FAM186B: variants seen among roughly 807,000 people sequenced by gnomAD.
FAM186B encodes protein FAM186B.
In FAM186B, 68 loss-of-function variants were observed where a neutral mutation model predicts 83.4. The observed-to-expected ratio is 0.81, with a 90% CI of 0.67 to 1.00. The LOEUF (loss-of-function observed/expected upper bound fraction) is 1.00. Ranked by LOEUF, FAM186B falls within the 50% of genes least tolerant of loss-of-function variation. The probability of loss-of-function intolerance (pLI) is 0.00; values close to 1 mark genes in which losing one functional copy is unlikely to be tolerated. For missense variants in FAM186B, 983 were observed against 1,099.2 expected (o/e 0.89, Z 1.49); for synonymous variants, 389 against 422.0 (o/e 0.92, Z 0.96).
chr12:49,588,704 T>G, intron 5 of FAM186B, 81 bp from the exon 6 acceptor site: 1 of 1,425,090 alleles, frequency 7.0e-7, no homozygotes, highest in South Asian at 1.4e-5. Context: ...GTCTGTTTGT[T>G]GGTGCCCCTG....
the FAM186B span, among the ~76,000 whole-genome samples, chr12:49,622,159 G>A: frequency 0.089 from 13,488 of 152,144 alleles, 714 homozygotes; most frequent in African/African-American, 0.14. Flanking sequence ...GGCAGCCCCC[G>A]GGGGAAGGTG....
the FAM186B span, among the ~76,000 whole-genome samples, chr12:49,619,966 C>A: frequency 2.0e-5 from 3 of 152,004 alleles, no homozygotes; most frequent in Non-Finnish European, 4.4e-5. Context: ...AGGCATGAGC[C>A]ACCGCGTCCA....
Position 49,601,124 on chromosome 12 carries a change from G to C in FAM186B, c.516C>G (p.Arg172=). 1 of 1,561,320 alleles carries C rather than the reference G, an allele frequency of 6.4e-7. No individual in the cohort carries two copies. ...TTCCCTGCCAGCCCTGCCAGAAGGT[G>C]CGTTTGGACACTGGGACAGGTAGAG... The part of the protein sequence containing the change: ...GQKKRSQVSK[R]TFWQGWQGRS... The change falls in exon 4 of 7, where the codon CGC becomes CGG. Residue 172 remains arginine, a synonymous_variant. Coordinates refer to ENST00000257894, the MANE Select transcript of FAM186B (RefSeq NM_032130.3).
At chr12:49,619,872 G>T in the FAM186B span, among the ~76,000 whole-genome samples, 1 of 151,636 alleles carries the variant, frequency 6.6e-6, no homozygotes, top group Admixed American at 6.6e-5. Context: ...TAGAGACGGG[G>T]TTTCACCATA....
intron 5 of FAM186B, among the ~76,000 whole-genome samples, chr12:49,594,414 G>A (rs1233435833): frequency 1.3e-5 from 2 of 152,094 alleles, no homozygotes; most frequent in African/African-American, 4.8e-5. Context: ...TGAAACCTCA[G>A]TACCAAACCC....
At chr12:49,606,802 TTCACCC>T (rs1464480767), upstream of FAM186B, among the ~76,000 whole-genome samples, 3 of 152,072 alleles carry the variant, frequency 2.0e-5, no homozygotes, top group African/African-American at 7.2e-5. Context: ...CATAGAACAC[TTCACCC>T]AACAACAGGA....
the FAM186B span, among the ~76,000 whole-genome samples, chr12:49,621,923 G>A: frequency 1.3e-5 from 2 of 152,260 alleles, no homozygotes; most frequent in Non-Finnish European, 2.9e-5. Context: ...CCAGAGAGGG[G>A]AAGACGATGG....
In FAM186B at chr12:49,600,373, G is replaced by A. The variant is rs770279353; in HGVS notation, c.1267C>T (p.Arg423Cys). The change falls in exon 4 of 7, where the codon CGC becomes TGC. Residue 423 changes from arginine to cysteine, a missense_variant. Physicochemically the swap from Arg to Cys is radical, Grantham distance 180. Transcript: ENST00000257894. This position sits in a 1 kb window ranked among gnomAD's most constrained non-coding sequence, Gnocchi z 4.3. Reference protein sequence around the residue: ...LEPVLLPLVDRRFPKKWERPV... With the variant: ...LEPVLLPLVDCRFPKKWERPV... ...CTTTCCCATTTCTTAGGAAACCTGC[G>A]ATCTACTAAGGGTAAAAGCACAGGC... The A allele has an allele frequency of 1.1e-5, 17 of 1,614,160 alleles. No individual in the cohort carries two copies. In the Admixed American group the frequency reaches 1.7e-4, roughly 16 times the overall value.
the FAM186B span, among the ~76,000 whole-genome samples, chr12:49,621,112 G>A: frequency 6.6e-6 from 1 of 152,236 alleles, no homozygotes; most frequent in Non-Finnish European, 1.5e-5. Flanking sequence ...GCCAGGCAAA[G>A]TGACTCACGC....
Position 49,588,584 on chromosome 12 carries a change from C to T in FAM186B, c.2404G>A (p.Val802Ile), listed in dbSNP as rs565488464. 1.4e-5 allele frequency: 22 copies of T among 1,606,214 alleles called. No individual in the cohort carries two copies. The South Asian group carries it at 1.9e-4, about 14-fold the overall frequency. ...CATTTCTTTGGCTTTGGCGAGGTGA[C>T]CTCAGGGATGTTCAGGTGAACGTTC... is the stretch of plus-strand genomic sequence containing the variant. ...EWNVHLNIPE[V>I]TSPKPKKCKL... The change falls in exon 6 of 7, where the codon GTC (valine) becomes ATC (isoleucine). Residue 802 changes from valine (V) to isoleucine (I), a missense_variant. Transcript: ENST00000257894.
the FAM186B span, among the ~76,000 whole-genome samples, chr12:49,613,869 C>T: frequency 6.6e-6 from 1 of 151,192 alleles, no homozygotes; most frequent in Admixed American, 6.6e-5. Flanking sequence ...TAAGAACTGG[C>T]CGGGCGCGGT....
intron 5 of FAM186B, 127 bp downstream of exon 5, chr12:49,598,628 C>T: frequency 1.2e-6 from 1 of 850,196 alleles, no homozygotes. Flanking sequence ...CTGCCTTCTC[C>T]TTTCCCTTCT....
intron 3 of FAM186B, among the ~76,000 whole-genome samples, chr12:49,601,404 C>T (rs1939891553): frequency 6.6e-6 from 1 of 152,184 alleles, no homozygotes; most frequent in Admixed American, 6.5e-5. Context: ...CAGCACAGCT[C>T]ACTGCAGCAT....
chr12:49,587,858 CTCAAA>C lies in FAM186B; in HGVS notation c.2535-111_2535-107del. The C allele has an allele frequency of 2.3e-6, 3 of 1,287,110 alleles. No homozygotes were observed. The South Asian group carries it at 4.4e-5, about 19-fold the overall frequency. The allele number at this position is 1,287,110 out of a possible 1,614,324, so 79.7% of individuals were successfully genotyped here. Reference sequence around the variant, plus strand: ...CAAGTGAGCTTTGTCTCCTTCCCTTCTCAAATCGAGTGTGTCACTGCCCTCCTCAT... The same window carrying C: ...CAAGTGAGCTTTGTCTCCTTCCCTTCTCGAGTGTGTCACTGCCCTCCTCAT... On this transcript the variant is annotated intron_variant, in intron 6 of 6. Transcript: ENST00000257894.
At chr12:49,593,239 G>A (rs1048938915) in intron 5 of FAM186B, 1 of 152,210 alleles carries the variant, frequency 6.6e-6, no homozygotes, top group African/African-American at 2.4e-5. Context: ...GGTTAACAGT[G>A]AAAGAGTGGA....
intron 5 of FAM186B, among the ~76,000 whole-genome samples, chr12:49,596,611 T>C (rs1939732976): frequency 1.3e-5 from 2 of 151,946 alleles, no homozygotes; most frequent in South Asian, 4.2e-4. Flanking sequence ...AGAACTATTA[T>C]CAAAAAGACA....
At chr12:49,619,606 T>C in the FAM186B span, 7 of 597,568 alleles carry the variant, frequency 1.2e-5, no homozygotes, top group East Asian at 2.6e-4. Context: ...GGGCAAAACC[T>C]ACACCGTAGA....
upstream of FAM186B, among the ~76,000 whole-genome samples, chr12:49,606,184 A>G (rs1057369973): frequency 2.6e-5 from 4 of 152,270 alleles, no homozygotes; most frequent in Non-Finnish European, 4.4e-5. Context: ...AATTTGTAAA[A>G]ATTAGAGCCA....
chr12:49,602,967 C>G (rs1270788848), intron 3 of FAM186B, among the ~76,000 whole-genome samples: 1 of 152,236 alleles, frequency 6.6e-6, no homozygotes, highest in African/African-American at 2.4e-5. Flanking sequence ...AGACCTGTCT[C>G]CACATCACAC....
Sources: allele counts gnomAD v4.1 joint callset (sites outside exome capture counted in the v4.1 genomes callset), GRCh38; gene constraint gnomAD v4.1.1; non-coding constraint Gnocchi (gnomAD v3.1); transcripts MANE v1.5; gene names NCBI Gene and HGNC (gene_info 2026-07-23, HGNC 2026-07-21).